SMARCA2: variants seen among roughly 807,000 people sequenced by gnomAD.
The protein encoded by SMARCA2 is SWI/SNF-related matrix-associated actin-dependent regulator of chromatin subfamily A member 2.
SMARCA2 carries 61 observed loss-of-function variants against 199.8 expected under a neutral mutation model. That is an observed-to-expected ratio of 0.31 (90% CI 0.25 to 0.38). The LOEUF is 0.38. Among genes scored for constraint, SMARCA2 ranks in the 10% least tolerant of loss-of-function variants. SMARCA2 has a pLI of 1.00. For synonymous variants in SMARCA2, 935 were observed against 732.0 expected (o/e 1.28, Z -4.48); for missense variants, 1,344 against 2,012.2 (o/e 0.67, Z 6.35).
Position 2,191,311 on chromosome 9 carries a change from A to G in SMARCA2, c.4640A>G (p.Lys1547Arg). The change falls in exon 33 of 34, where the codon AAA becomes AGA. Residue 1547 changes from lysine (K) to arginine (R), a missense_variant. Lys to Arg is a conservative substitution (Grantham distance 26, BLOSUM62 2). This residue lies in a region of SMARCA2 where 155 missense variants were observed against 121.1 expected (regional missense o/e 1.28). Transcript: ENST00000349721. ...VKIKLNKKDD[K>R]GRDKGKGKKR... ...ATTAAGCTCAATAAAAAAGATGACAAAGGCCGGGACAAAGGGAAAGGCAAG... is the reference window on the plus strand; with the variant it reads ...ATTAAGCTCAATAAAAAAGATGACAGAGGCCGGGACAAAGGGAAAGGCAAG... 6.2e-7 allele frequency: 1 copy of G among 1,614,168 alleles called. No individual in the cohort carries two copies. The highest frequency in any genetic ancestry group is 1.3e-5 in the African/African-American group (1 of 75,072).
At chr9:2,156,090 C>A (rs968062833) in intron 27 of SMARCA2, among the ~76,000 whole-genome samples, 1 of 152,142 alleles carries the variant, frequency 6.6e-6, no homozygotes, top group Admixed American at 6.5e-5. Flanking sequence ...TAGTTATGTG[C>A]TATACACAGT....
chr9:2,122,326 AT>A (rs35426156), intron 26 of SMARCA2, among the ~76,000 whole-genome samples: 53,140 of 150,512 alleles, frequency 0.35, 13,596 homozygotes, highest in African/African-American at 0.72. Flanking sequence ...CATTAACAAA[AT>A]TTTTTTTTTT....
intron 27 of SMARCA2, among the ~76,000 whole-genome samples, chr9:2,141,558 A>G (rs1347402209): frequency 6.6e-6 from 1 of 152,202 alleles, no homozygotes; most frequent in Non-Finnish European, 1.5e-5. Context: ...TCTCAAAGCT[A>G]AAATAAGAAG....
intron 28 of SMARCA2, among the ~76,000 whole-genome samples, chr9:2,163,904 G>T (rs1433419882): frequency 1.3e-5 from 2 of 151,972 alleles, no homozygotes; most frequent in African/African-American, 4.8e-5. Flanking sequence ...TTTTTTTGAG[G>T]GGTGGGGGTC....
intron 27 of SMARCA2, among the ~76,000 whole-genome samples, chr9:2,151,577 C>G (rs963940496): frequency 1.3e-5 from 2 of 151,632 alleles, no homozygotes; most frequent in African/African-American, 4.9e-5. Context: ...ACTAAAAATA[C>G]AAAAAAATTG....
chr9:2,135,003 A>T (rs996267906), intron 27 of SMARCA2, among the ~76,000 whole-genome samples: 1 of 152,242 alleles, frequency 6.6e-6, no homozygotes, highest in Non-Finnish European at 1.5e-5. Context: ...GGAGCCATGT[A>T]TAAGAGGAGA....
At chr9:2,127,202 T>C (rs1823733325) in intron 27 of SMARCA2, among the ~76,000 whole-genome samples, 1 of 152,232 alleles carries the variant, frequency 6.6e-6, no homozygotes, top group African/African-American at 2.4e-5. Flanking sequence ...CCTAGTATTC[T>C]CGGTAGTTGC....
intron 29 of SMARCA2, among the ~76,000 whole-genome samples, chr9:2,175,815 T>C (rs1398462404): frequency 6.6e-6 from 1 of 152,158 alleles, no homozygotes; most frequent in Non-Finnish European, 1.5e-5. Flanking sequence ...TTTTAAATCC[T>C]TGTTGAGGTT....
chr9:2,070,173 A>G (rs556784279), intron 9 of SMARCA2, among the ~76,000 whole-genome samples: 6 of 152,316 alleles, frequency 3.9e-5, no homozygotes, highest in African/African-American at 9.6e-5. Flanking sequence ...TGAAGACACA[A>G]TCTACAAATC....
chr9:2,086,790 C>A lies in SMARCA2; in HGVS notation c.2527-39C>A. ...CTTGTTGGAAATAGTTGTATTTTCC[C>A]TTGCTTACTACACGTCCGTCCTTCC... On this transcript the variant is annotated intron_variant, in intron 17 of 33. Coordinates refer to ENST00000349721, the MANE Select transcript of SMARCA2 (RefSeq NM_003070.5). This position sits in a 1 kb window ranked among gnomAD's most constrained non-coding sequence, Gnocchi z 4.3. The A allele has an allele frequency of 6.2e-7, 1 of 1,610,050 alleles. No individual in the cohort carries two copies. Among genetic ancestry groups the A allele is most frequent in the Non-Finnish European group, 8.5e-7 (1 of 1,177,684 alleles).
chr9:2,159,688 A>AG (rs1443583767), intron 27 of SMARCA2: 40 of 1,234,014 alleles, frequency 3.2e-5, no homozygotes, highest in Admixed American at 9.2e-5. Flanking sequence ...CGGGCCTTGT[A>AG]GTAGGTAGCA....
intron 29 of SMARCA2, among the ~76,000 whole-genome samples, chr9:2,178,944 AAC>A: frequency 6.6e-6 from 1 of 152,324 alleles, no homozygotes; most frequent in East Asian, 1.9e-4. Flanking sequence ...GAGAAACAAT[AAC>A]ACACATGGAA....
In SMARCA2 at chr9:2,104,278, A is replaced by T; in HGVS notation, c.3292+109A>T. 9.7e-7 allele frequency: 1 copy of T among 1,029,392 alleles called. No individual in the cohort carries two copies. The highest frequency in any genetic ancestry group is 2.2e-4 in the Middle Eastern group (1 of 4,642). The allele number at this position is 1,029,392 out of a possible 1,614,324, so 63.8% of individuals were successfully genotyped here. A position where few individuals can be genotyped will look rare whatever the true frequency, so the allele number is the denominator to read the frequency against. On this transcript the variant is annotated intron_variant, in intron 23 of 33. Coordinates refer to ENST00000349721, the MANE Select transcript of SMARCA2 (RefSeq NM_003070.5). This position sits in a 1 kb window ranked among gnomAD's most constrained non-coding sequence, Gnocchi z 4.0. ...AAGAAGGGGTAAAATTGAAGAATTG[A>T]CTAGAAGCATTGGGAGCAGTTTTTC...
At chr9:2,018,038 G>A (rs1818438672) in intron 1 of SMARCA2, 1 of 152,266 alleles carries the variant, frequency 6.6e-6, no homozygotes, top group Non-Finnish European at 1.5e-5. Flanking sequence ...GGTCCGGAGA[G>A]TGTGAGTCGC....
intron 1 of SMARCA2, among the ~76,000 whole-genome samples, chr9:2,022,826 T>C (rs1045439999): frequency 5.3e-5 from 8 of 152,178 alleles, no homozygotes; most frequent in Non-Finnish European, 8.8e-5. Context: ...TTTCAGGGTG[T>C]CATGATTTGA....
At chr9:2,176,180 C>CTGTTTTTTTTTTTTT (rs1826576666) in intron 29 of SMARCA2, among the ~76,000 whole-genome samples, 2 of 109,894 alleles carry the variant, frequency 1.8e-5, no homozygotes, top group African/African-American at 1.1e-4. Context: ...CGCGCCCGGC[C>CTGTTTTTTTTTTTTT]TGTTTTTTTT....
intron 23 of SMARCA2, among the ~76,000 whole-genome samples, chr9:2,109,513 T>C (rs80090101): frequency 2.0e-5 from 3 of 152,150 alleles, no homozygotes; most frequent in Non-Finnish European, 2.9e-5. Context: ...TCAGACCCCA[T>C]GGGGCAAACC....
chr9:2,052,355 C>T (rs766197423), intron 5 of SMARCA2, among the ~76,000 whole-genome samples: 2 of 152,114 alleles, frequency 1.3e-5, no homozygotes, highest in African/African-American at 4.8e-5. Context: ...GTGCCTATAG[C>T]CCCAGCTACA....
chr9:2,088,621 G>A lies in SMARCA2; in HGVS notation c.2883+8G>A. 1.3e-6 allele frequency: 2 copies of A among 1,571,496 alleles called. No homozygotes were observed. Among genetic ancestry groups the A allele is most frequent in the South Asian group, 1.2e-5 (1 of 83,602 alleles). On this transcript the variant is annotated splice_region_variant and intron_variant, in intron 19 of 33. Coordinates refer to ENST00000349721, the MANE Select transcript of SMARCA2 (RefSeq NM_003070.5). ...TCCCAGCTTCCCGAAAAAGTATGTT[G>A]CACAACCAAAAGTTGTGGGTTTTTT...
Sources: allele counts gnomAD v4.1 joint callset (sites outside exome capture counted in the v4.1 genomes callset), GRCh38; gene constraint gnomAD v4.1.1; regional missense constraint gnomAD v4.1.1; non-coding constraint Gnocchi (gnomAD v3.1); transcripts MANE v1.5; gene names NCBI Gene and HGNC (gene_info 2026-07-23, HGNC 2026-07-21).